Variants in CDC25A observed in about 807,000 individuals in gnomAD.
CDC25A encodes the protein cell division cycle 25A, also known as M-phase inducer phosphatase 1.
A neutral mutation model predicts 64.6 loss-of-function variants in CDC25A; 17 were observed. The ratio of observed to expected loss-of-function variants is 0.26; its 90% CI spans 0.18 to 0.39. CDC25A has a LOEUF of 0.39. Ranked by LOEUF, CDC25A falls within the 10% of genes least tolerant of loss-of-function variation. CDC25A has a pLI of 1.00. For synonymous variants in CDC25A, 229 were observed against 238.6 expected, an observed-to-expected ratio of 0.96 and a Z score of 0.37; for missense variants, 473 against 654.8, an observed-to-expected ratio of 0.72 and a Z score of 3.03.
At chr3:48,162,147 G>C (rs1286162876) in intron 13 of CDC25A, among the ~76,000 whole-genome samples, 1 of 152,212 alleles carries the variant, frequency 6.6e-6, no homozygotes, top group African/African-American at 2.4e-5. Context: ...GGACTTATGA[G>C]ATGACAGTCA....
intron 9 of CDC25A, 21 bp from the exon 10 acceptor site, chr3:48,167,965 A>G: frequency 1.4e-6 from 2 of 1,409,612 alleles, no homozygotes; most frequent in Non-Finnish European, 2.0e-6. Context: ...TCAAAGGTAG[A>G]GAATGAGACA....
intron 9 of CDC25A, 99 bp from the exon 10 acceptor site, chr3:48,168,043 G>T: frequency 1.5e-6 from 1 of 681,910 alleles, no homozygotes. Flanking sequence ...AAATGTTAAT[G>T]CCTACATTTA....
rs1287795771 is a variant in CDC25A, at chr3:48,183,683, A to G, written c.327+117T>C. 4.4e-6 allele frequency: 3 copies of G among 686,514 alleles called. No homozygotes were observed. The African/African-American group carries it at 5.4e-5, about 12-fold the overall frequency. The allele number at this position is 686,514 out of a possible 1,614,324, so 42.5% of individuals were successfully genotyped here. A position where few individuals can be genotyped will look rare whatever the true frequency, so the allele number is the denominator to read the frequency against. On this transcript the variant is annotated intron_variant, in intron 4 of 14. Transcript: ENST00000302506. ...GTGACAGAGCAAGACCTTGTCTCAA[A>G]AGAGACTAAAGAAAAGCAGTTTTTA...
At chr3:48,181,072 C>T (rs1223746109) in intron 5 of CDC25A, among the ~76,000 whole-genome samples, 1 of 152,126 alleles carries the variant, frequency 6.6e-6, no homozygotes, top group Non-Finnish European at 1.5e-5. Context: ...CAAGTATCTG[C>T]CAAATATACA....
chr3:48,169,820 C>A (rs2106714847), intron 9 of CDC25A, among the ~76,000 whole-genome samples: 1 of 152,154 alleles, frequency 6.6e-6, no homozygotes, highest in East Asian at 1.9e-4. Context: ...CCAGCCTTGC[C>A]AACATGGTGA....
intron 1 of CDC25A, 105 bp from the exon 2 acceptor site, chr3:48,186,884 C>T: frequency 1.3e-6 from 1 of 753,242 alleles, no homozygotes; most frequent in Non-Finnish European, 2.2e-6. Flanking sequence ...CTGCCAGAAA[C>T]CATTTCTAGG....
At chr3:48,178,066 T>G (rs1356966100) in intron 6 of CDC25A, 78 bp from the exon 7 acceptor site, 2 of 1,394,106 alleles carry the variant, frequency 1.4e-6, no homozygotes, top group Non-Finnish European at 2.0e-6. Context: ...CTAGTTTTTA[T>G]GATGAAAACA....
At chr3:48,165,488 A>C in intron 12 of CDC25A, 148 bp downstream of exon 12, 1 of 616,622 alleles carries the variant, frequency 1.6e-6, no homozygotes, top group South Asian at 2.0e-5. Flanking sequence ...GAGCACCCGG[A>C]ATCAAATGCC....
chr3:48,168,480 TG>T (rs755075526), intron 9 of CDC25A, among the ~76,000 whole-genome samples: 47 of 151,038 alleles, frequency 3.1e-4, no homozygotes, highest in Non-Finnish European at 5.9e-4. Flanking sequence ...CACCTGAGCC[TG>T]GGGAGGTCGA....
At chr3:48,161,682 C>T (rs545640333) in intron 13 of CDC25A, among the ~76,000 whole-genome samples, 1 of 151,962 alleles carries the variant, frequency 6.6e-6, no homozygotes, top group Non-Finnish European at 1.5e-5. Context: ...GTACTCCAGC[C>T]TGGACAACAG....
At chr3:48,163,644 T>C (rs1451683490) in intron 13 of CDC25A, among the ~76,000 whole-genome samples, 1 of 152,172 alleles carries the variant, frequency 6.6e-6, no homozygotes, top group African/African-American at 2.4e-5. Context: ...AAATGTTTTT[T>C]AAAATAAATT....
chr3:48,186,723 G>T lies in CDC25A; in HGVS notation c.227C>A (p.Ser76Tyr). Reference sequence around the variant, plus strand: ...AATACCTGAATCTGTTGACTCGGAGGAGCCCATTCTCTGCAGATTACTGTT... The same window carrying T: ...AATACCTGAATCTGTTGACTCGGAGTAGCCCATTCTCTGCAGATTACTGTT... ...KNNSNLQRMG[S>Y]SESTDSGFCL... Residue 76 changes from serine to tyrosine, a missense_variant, in exon 2 of 15, where the codon TCC becomes TAC. Transcript: ENST00000302506. 1.2e-6 allele frequency: 2 copies of T among 1,600,576 alleles called. No individual in the cohort carries two copies. The highest frequency in any genetic ancestry group is 1.7e-6 in the Non-Finnish European group (2 of 1,170,844).
At chr3:48,182,837 G>A (rs2032714007) in intron 5 of CDC25A, 92 bp downstream of exon 5, 1 of 803,154 alleles carries the variant, frequency 1.2e-6, no homozygotes, top group Admixed American at 1.9e-5. Context: ...GCCAAGTTTA[G>A]TCTCCCAGAA....
rs2031601108 is a variant in CDC25A at position 48,158,222 on chromosome 3, T to C, written c.*723A>G. On this transcript the variant is annotated 3_prime_UTR_variant, in exon 15 of 15. Transcript: ENST00000302506. ...TTAGCTTATGTCAGGCAGCCAAGCC[T>C]GGGTCCAACGCTCTCACCAGGACCT... is the stretch of plus-strand genomic sequence containing the variant. The C allele has an allele frequency of 6.6e-6, 1 of 152,654 alleles. No individual in the cohort carries two copies. 9.5% of individuals were successfully genotyped at this position (152,654 alleles called of 1,614,324 possible). A position where few individuals can be genotyped will look rare whatever the true frequency, so the allele number is the denominator to read the frequency against.
At chr3:48,163,653 T>C (rs1423129999) in intron 13 of CDC25A, among the ~76,000 whole-genome samples, 1 of 152,090 alleles carries the variant, frequency 6.6e-6, no homozygotes, top group Non-Finnish European at 1.5e-5. Context: ...TTAAAATAAA[T>C]TGGTTCAAAA....
Position 48,188,270 on chromosome 3 carries a change from G to C in CDC25A, c.-323C>G, listed in dbSNP as rs1035598846. 4.3e-6 allele frequency: 1 copy of C among 232,688 alleles called. No individual in the cohort carries two copies. Among genetic ancestry groups the C allele is most frequent in the African/African-American group, 2.3e-5 (1 of 43,872 alleles). The allele number at this position is 232,688 out of a possible 1,614,324, so 14.4% of individuals were successfully genotyped here. A position where few individuals can be genotyped will look rare whatever the true frequency, so the allele number is the denominator to read the frequency against. ...GGTCGGCAAGAGAAGCCGGGCGAGAGCCTCGAGGCAACGGCCCAGGCTCAC... is the reference window on the plus strand; with the variant it reads ...GGTCGGCAAGAGAAGCCGGGCGAGACCCTCGAGGCAACGGCCCAGGCTCAC... On this transcript the variant is annotated 5_prime_UTR_variant, in exon 1 of 15. Transcript: ENST00000302506.
At chr3:48,186,590 TTA>T in intron 2 of CDC25A, 111 bp downstream of exon 2, 4 of 627,900 alleles carry the variant, frequency 6.4e-6, no homozygotes, top group Non-Finnish European at 1.1e-5. Flanking sequence ...AAAAAAAAGT[TTA>T]TCACCCAATG....
chr3:48,188,052 C>A lies in CDC25A; in HGVS notation c.-105G>T. ...CTCGGCCGCGCGCCACCGGCGCCCGCGGGTCAAACACAAACACGACTCCGC... is the reference window on the plus strand; with the variant it reads ...CTCGGCCGCGCGCCACCGGCGCCCGAGGGTCAAACACAAACACGACTCCGC... On this transcript the variant is annotated 5_prime_UTR_variant, in exon 1 of 15. Transcript: ENST00000302506. 2.1e-6 allele frequency: 2 copies of A among 946,430 alleles called. No homozygotes were observed. The highest frequency in any genetic ancestry group is 2.7e-6 in the Non-Finnish European group (2 of 732,778). 58.6% of individuals were successfully genotyped at this position (946,430 alleles called of 1,614,324 possible). A position where few individuals can be genotyped will look rare whatever the true frequency, so the allele number is the denominator to read the frequency against.
chr3:48,159,004 G>A lies in CDC25A; in HGVS notation c.1516C>T (p.Arg506Trp). The change falls in exon 15 of 15, where the codon CGG (arginine) becomes TGG (tryptophan). Residue 506 changes from arginine to tryptophan, a missense_variant. Transcript: ENST00000302506. Reference protein sequence around the residue: ...EDLKKFRTKSRTWAGEKSKRE... With the variant: ...EDLKKFRTKSWTWAGEKSKRE... ...TTGCTCTTCTCCCCTGCCCAGGTCC[G>A]GCTCTTGGTGCGGAACTTCTTCAGG... The A allele has an allele frequency of 1.9e-6, 3 of 1,614,120 alleles. No individual in the cohort carries two copies. Among genetic ancestry groups the A allele is most frequent in the Non-Finnish European group, 2.5e-6 (3 of 1,180,016 alleles).
Sources: gnomAD v4.1 joint callset for allele counts (sites outside exome capture counted in the v4.1 genomes callset) on GRCh38, gnomAD v4.1.1 for gene constraint, MANE v1.5 for transcripts, NCBI Gene and HGNC (gene_info 2026-07-23, HGNC 2026-07-21) for gene names.